Variants in DMD observed in about 807,000 individuals in gnomAD.
DMD encodes mutant dystrophin.
In DMD, 63 loss-of-function variants were observed where a neutral mutation model predicts 330.1. That is an observed-to-expected ratio of 0.19 (90% confidence interval 0.16 to 0.24). DMD has a LOEUF of 0.24. Among genes scored for constraint, DMD ranks in the 10% least tolerant of loss-of-function variants. The probability of loss-of-function intolerance (pLI) is 1.00; values close to 1 mark genes in which losing one functional copy is unlikely to be tolerated. For synonymous variants in DMD, 1,223 were observed against 959.8 expected, an observed-to-expected ratio of 1.27 and a Z score of -5.07; for missense variants, 3,344 against 2,684.1, an observed-to-expected ratio of 1.25 and a Z score of -5.43.
At chrX:32,177,707 A>T (rs1417049182) in intron 44 of DMD, among the ~76,000 whole-genome samples, 1 of 110,747 alleles carries the variant, frequency 9.0e-6, no homozygotes, top group East Asian at 2.9e-4. Flanking sequence ...CCCTGCTGGG[A>T]TTATGTCTGT....
At chrX:32,101,896 C>T (rs1452723437) in intron 44 of DMD, among the ~76,000 whole-genome samples, 1 of 111,118 alleles carries the variant, frequency 9.0e-6, no homozygotes, top group Non-Finnish European at 1.9e-5. Context: ...TGGATTCATC[C>T]ATTCATAAAT....
intron 41 of DMD, among the ~76,000 whole-genome samples, chrX:32,335,839 C>A (rs990696045): frequency 1.9e-5 from 2 of 102,614 alleles, no homozygotes; most frequent in African/African-American, 7.2e-5. Flanking sequence ...ATATAACGTG[C>A]ATATATAACA....
At chrX:31,122,808 A>G (rs1322831145) in intron 78 of DMD, among the ~76,000 whole-genome samples, 1 of 111,923 alleles carries the variant, frequency 8.9e-6, no homozygotes, top group African/African-American at 3.2e-5. Flanking sequence ...CCCAGCACGG[A>G]GAAAAAGAAC....
At chrX:32,512,373 T>A (rs1475259010) in intron 18 of DMD, among the ~76,000 whole-genome samples, 1 of 112,497 alleles carries the variant, frequency 8.9e-6, no homozygotes, top group East Asian at 2.8e-4. Flanking sequence ...GAAGAGTAAC[T>A]TATTCACTCA....
intron 33 of DMD, among the ~76,000 whole-genome samples, chrX:32,384,208 A>G (rs2097943250): frequency 9.1e-6 from 1 of 110,219 alleles, no homozygotes; most frequent in Admixed American, 9.7e-5. Context: ...TACATTTGAG[A>G]CTAGAGATTA....
At chrX:33,038,950 C>T (rs915003889) in intron 1 of DMD, among the ~76,000 whole-genome samples, 16 of 111,244 alleles carry the variant, frequency 1.4e-4, no homozygotes, top group African/African-American at 4.3e-4. Flanking sequence ...GCCAAGATCG[C>T]GTCACTGCAC....
chrX:33,150,928 G>A (rs2048258446), intron 1 of DMD, among the ~76,000 whole-genome samples: 1 of 111,666 alleles, frequency 9.0e-6, no homozygotes, highest in Admixed American at 9.6e-5. Context: ...CAGAGAAATA[G>A]ACTATTTTGA....
At chrX:31,511,385 G>C (rs1603290451) in intron 55 of DMD, among the ~76,000 whole-genome samples, 1 of 104,264 alleles carries the variant, frequency 9.6e-6, no homozygotes. Flanking sequence ...ACAACGTGCA[G>C]GTTAGTTACA....
chrX:32,390,004 G>A (rs1242291717), intron 31 of DMD, 67 bp downstream of exon 31: 2 of 860,055 alleles, frequency 2.3e-6, no homozygotes, highest in African/African-American at 4.0e-5. Context: ...TAATCAAGTT[G>A]TCCAATATAG....
intron 1 of DMD, among the ~76,000 whole-genome samples, chrX:33,142,453 C>A (rs1423653204): frequency 8.9e-6 from 1 of 112,712 alleles, no homozygotes; most frequent in African/African-American, 3.2e-5. Context: ...TGAAGTGATT[C>A]AAGTAGTGAT....
At chrX:32,932,367 T>C (rs1284221229) in intron 2 of DMD, among the ~76,000 whole-genome samples, 1 of 112,183 alleles carries the variant, frequency 8.9e-6, no homozygotes, top group African/African-American at 3.2e-5. Flanking sequence ...GCGATGTGTG[T>C]CATATTATAT....
intron 1 of DMD, among the ~76,000 whole-genome samples, chrX:33,318,704 C>T (rs896366187): frequency 9.1e-6 from 1 of 109,984 alleles, no homozygotes; most frequent in African/African-American, 3.3e-5. Flanking sequence ...GCCTCAGCCT[C>T]CCAAAGTGCT....
Position 32,501,804 on chromosome X carries a change from C to A in DMD, c.2331G>T (p.Leu777=), listed in dbSNP as rs369659071. 1.1e-5 allele frequency: 13 copies of A among 1,207,619 alleles called. No homozygotes were observed. The highest frequency in any genetic ancestry group is 1.7e-5 in the African/African-American group (1 of 57,216). The change falls in exon 19 of 79, where the codon CTG becomes CTT. Residue 777 remains leucine, a synonymous_variant. Coordinates refer to ENST00000357033, the MANE Select transcript of DMD (RefSeq NM_004006.3). ...EREKAEKFRK[L]QDASRSAQAL... is the part of the protein sequence containing the mutation. ...CCTGAGCTGATCTGCTGGCATCTTGCAGTTTTCTGAACTTCTCAGCTTTTT... is the reference window on the plus strand; with the variant it reads ...CCTGAGCTGATCTGCTGGCATCTTGAAGTTTTCTGAACTTCTCAGCTTTTT...
rs1369632568 is a variant in DMD, at chrX:31,119,620, AAAAC to A, written c.*2295_*2298del. The stretch of plus-strand genomic sequence containing the variant: ...CTCCAGAGCTAATGTGTCTAAAAGA[AAAAC>A]AAAAAGATTAAAACAAAATTATTTA... On this transcript the variant is annotated 3_prime_UTR_variant, in exon 79 of 79. Coordinates refer to ENST00000357033, the MANE Select transcript of DMD (RefSeq NM_004006.3). 8.9e-6 allele frequency: 1 copy of A among 112,677 alleles called. No individual in the cohort carries two copies. The highest frequency in any genetic ancestry group is 3.2e-5 in the African/African-American group (1 of 31,012). The allele number at this position is 112,677 out of a possible 1,213,427, so 9.3% of individuals were successfully genotyped here.
At chrX:32,211,066 T>G (rs778454246) in intron 44 of DMD, among the ~76,000 whole-genome samples, 1 of 109,325 alleles carries the variant, frequency 9.1e-6, no homozygotes, top group Non-Finnish European at 1.9e-5. Context: ...GAAGAGCAGC[T>G]AAACTTGGCT....
At chrX:32,276,345 GCT>G (rs1324364962) in intron 43 of DMD, among the ~76,000 whole-genome samples, 2 of 112,405 alleles carry the variant, frequency 1.8e-5, no homozygotes, top group Non-Finnish European at 3.8e-5. Flanking sequence ...CATAGCCTGG[GCT>G]AAGAGCTAGA....
At chrX:33,337,338 T>G (rs775074921) in intron 1 of DMD, among the ~76,000 whole-genome samples, 14 of 111,387 alleles carry the variant, frequency 1.3e-4, no homozygotes, top group Admixed American at 3.8e-4. Context: ...AGGGCTGTAT[T>G]TTAAACAACA....
At chrX:33,333,460 G>T (rs1338615199) in intron 1 of DMD, among the ~76,000 whole-genome samples, 1 of 110,812 alleles carries the variant, frequency 9.0e-6, no homozygotes, top group African/African-American at 3.3e-5. Context: ...TAAGCCTTGT[G>T]TCTGTTACCA....
chrX:32,431,067 G>A (rs1368647649), intron 29 of DMD, among the ~76,000 whole-genome samples: 1 of 111,142 alleles, frequency 9.0e-6, no homozygotes, highest in Non-Finnish European at 1.9e-5. Flanking sequence ...ATTTCCTTTG[G>A]ATATATCCCT....
Sources: allele counts gnomAD v4.1 joint callset (sites outside exome capture counted in the v4.1 genomes callset), GRCh38; gene constraint gnomAD v4.1.1; transcripts MANE v1.5; gene names NCBI Gene and HGNC (gene_info 2026-07-23, HGNC 2026-07-21).